HSBP1L1: variants seen among roughly 807,000 people sequenced by gnomAD.
HSBP1L1 encodes heat shock factor-binding protein 1-like protein 1.
HSBP1L1 carries 8 observed loss-of-function variants against 9.7 expected under a neutral mutation model. That is an observed-to-expected ratio of 0.82 (90% CI 0.48 to 1.48). HSBP1L1 has a LOEUF of 1.48. Among genes scored for constraint, HSBP1L1 ranks in the 40% most tolerant of loss-of-function variants. The pLI is 0.00. For synonymous variants in HSBP1L1, 39 were observed against 34.4 expected (o/e 1.13, Z -0.46); for missense variants, 106 against 95.8 (o/e 1.11, Z -0.44).
At chr18:79,965,053 C>A (rs1280937936) in intron 1 of HSBP1L1, among the ~76,000 whole-genome samples, 7 of 135,036 alleles carry the variant, frequency 5.2e-5, no homozygotes, top group African/African-American at 1.7e-4. Context: ...CAGGGGGGAG[C>A]CCTGCTGTCC....
chr18:79,970,528 T>G lies in HSBP1L1; in HGVS notation c.*77T>G, dbSNP rs1161800134. ...TACATCGGTCCTGAGGGTGGGGCCC[T>G]CATCCAACAGGATTCGTCTTTCTGA... On this transcript the variant is annotated 3_prime_UTR_variant, in exon 4 of 4. Transcript: ENST00000451882. 2.8e-6 allele frequency: 2 copies of G among 716,750 alleles called. No individual in the cohort carries two copies. The highest frequency in any genetic ancestry group is 5.2e-6 in the Non-Finnish European group (2 of 383,840). The allele number at this position is 716,750 out of a possible 1,614,324, so 44.4% of individuals were successfully genotyped here.
intron 3 of HSBP1L1, 145 bp from the exon 4 acceptor site, chr18:79,970,295 C>A: frequency 1.6e-6 from 1 of 640,904 alleles, no homozygotes; most frequent in South Asian, 1.8e-5. Context: ...ATGAGATAAA[C>A]TTGAAATACA....
chr18:79,966,962 C>T, intron 2 of HSBP1L1: 3 of 261,968 alleles, frequency 1.1e-5, no homozygotes, highest in Admixed American at 5.2e-5. Flanking sequence ...TCCTGGCTAA[C>T]ACAGTGAAAC....
chr18:79,969,008 G>A (rs1330796564), intron 3 of HSBP1L1, among the ~76,000 whole-genome samples: 10 of 137,152 alleles, frequency 7.3e-5, no homozygotes, highest in African/African-American at 2.5e-4. Context: ...GTGAAAGCCC[G>A]TCTCTACTAA....
At chr18:79,967,020 C>A (rs540880605) in intron 2 of HSBP1L1, 6 of 178,184 alleles carry the variant, frequency 3.4e-5, no homozygotes, top group African/African-American at 4.8e-5. Flanking sequence ...TGGTGGCGGG[C>A]GCCTGTAGTC....
rs1435540616 is a variant in HSBP1L1 at position 79,970,517 on chromosome 18, G to A, written c.*66G>A. The A allele has an allele frequency of 7.0e-6, 5 of 717,702 alleles. No individual in the cohort carries two copies. The highest frequency in any genetic ancestry group is 1.5e-5 in the South Asian group (1 of 67,580). The allele number at this position is 717,702 out of a possible 1,614,324, so 44.5% of individuals were successfully genotyped here. On this transcript the variant is annotated 3_prime_UTR_variant, in exon 4 of 4. Transcript: ENST00000451882. Reference sequence around the variant, plus strand: ...GTCATTAAGGTTACATCGGTCCTGAGGGTGGGGCCCTCATCCAACAGGATT... The same window carrying A: ...GTCATTAAGGTTACATCGGTCCTGAAGGTGGGGCCCTCATCCAACAGGATT...
At chr18:79,964,841 TG>T (rs1413785231) in intron 1 of HSBP1L1, 55 bp downstream of exon 1, 15 of 195,916 alleles carry the variant, frequency 7.7e-5, no homozygotes, top group Middle Eastern at 1.1e-3. Context: ...CCTGCGGTTC[TG>T]GGGGGTTTTG....
intron 3 of HSBP1L1, 30 bp from the exon 4 acceptor site, chr18:79,970,410 C>A (rs118028499): frequency 2.1e-5 from 15 of 718,482 alleles, no homozygotes; most frequent in Non-Finnish European, 3.6e-5. Context: ...ATAGGAGTTA[C>A]GGCCTGAACG....
chr18:79,969,387 G>GA (rs1294208490), intron 3 of HSBP1L1, among the ~76,000 whole-genome samples: 2 of 69,150 alleles, frequency 2.9e-5, no homozygotes, highest in East Asian at 8.5e-4. Flanking sequence ...AAGAAAGAAA[G>GA]AAAGAAAAAA....
Position 79,970,530 on chromosome 18 carries a change from A to G in HSBP1L1, c.*79A>G. 1.4e-6 allele frequency: 1 copy of G among 716,680 alleles called. No individual in the cohort carries two copies. Among genetic ancestry groups the G allele is most frequent in the East Asian group, 2.7e-5 (1 of 37,232 alleles). 44.4% of individuals were successfully genotyped at this position (716,680 alleles called of 1,614,324 possible). A position where few individuals can be genotyped will look rare whatever the true frequency, so the allele number is the denominator to read the frequency against. On this transcript the variant is annotated 3_prime_UTR_variant, in exon 4 of 4. Transcript: ENST00000451882. The stretch of plus-strand genomic sequence containing the variant: ...CATCGGTCCTGAGGGTGGGGCCCTC[A>G]TCCAACAGGATTCGTCTTTCTGAGA...
rs1181049364 is a variant in HSBP1L1 at position 79,970,572 on chromosome 18, C to T, written c.*121C>T. On this transcript the variant is annotated 3_prime_UTR_variant, in exon 4 of 4. Transcript: ENST00000451882. ...TTTCTGAGAAGAGACGCAAGGGGCTCGCCTGCTCTCCCCTCCGTGCCTGCA... is the reference window on the plus strand; with the variant it reads ...TTTCTGAGAAGAGACGCAAGGGGCTTGCCTGCTCTCCCCTCCGTGCCTGCA... 9 of 604,698 alleles carry T rather than the reference C, an allele frequency of 1.5e-5. No homozygotes were observed. Among genetic ancestry groups the T allele is most frequent in the South Asian group, 9.7e-5 (6 of 61,998 alleles). 37.5% of individuals were successfully genotyped at this position (604,698 alleles called of 1,614,324 possible). A position where few individuals can be genotyped will look rare whatever the true frequency, so the allele number is the denominator to read the frequency against.
chr18:79,970,061 A>G (rs1441499307), intron 3 of HSBP1L1: 2 of 202,238 alleles, frequency 9.9e-6, no homozygotes, highest in East Asian at 2.1e-4. Context: ...CCACTAGTAT[A>G]TCCAACTTGA....
intron 2 of HSBP1L1, among the ~76,000 whole-genome samples, chr18:79,967,158 A>G (rs907475550): frequency 1.3e-5 from 2 of 151,888 alleles, no homozygotes; most frequent in African/African-American, 4.8e-5. Context: ...AAAAAAAAAA[A>G]AAAAAAAGCT....
At chr18:79,966,221 G>A (rs2051256424) in intron 1 of HSBP1L1, among the ~76,000 whole-genome samples, 1 of 150,968 alleles carries the variant, frequency 6.6e-6, no homozygotes, top group Admixed American at 6.6e-5. Context: ...GTGAGCCACC[G>A]CGCCCGGCCT....
intron 2 of HSBP1L1, chr18:79,967,569 A>G (rs1388739399): frequency 6.6e-6 from 1 of 152,274 alleles, no homozygotes; most frequent in African/African-American, 2.4e-5. Context: ...ATGGGTTCCC[A>G]CAGGACAAAA....
chr18:79,964,716 G>A lies in HSBP1L1; in HGVS notation c.-20G>A. On this transcript the variant is annotated 5_prime_UTR_variant, in exon 1 of 4. Transcript: ENST00000451882. ...GCGGCCCACGGGACCCCCCACTGAC[G>A]CCCCCGGCCAGCGGTCCACATGGAC... is the stretch of plus-strand genomic sequence containing the variant. 1 of 1,391,976 alleles carries A rather than the reference G, an allele frequency of 7.2e-7. No individual in the cohort carries two copies. Among genetic ancestry groups the A allele is most frequent in the Non-Finnish European group, 9.4e-7 (1 of 1,068,112 alleles). 86.2% of individuals were successfully genotyped at this position (1,391,976 alleles called of 1,614,324 possible).
chr18:79,969,092 G>A (rs960539666), intron 3 of HSBP1L1, among the ~76,000 whole-genome samples: 16 of 150,658 alleles, frequency 1.1e-4, no homozygotes, highest in African/African-American at 3.9e-4. Flanking sequence ...GGGAGGCTGA[G>A]GCGGGAGAAT....
intron 2 of HSBP1L1, 171 bp from the exon 3 acceptor site, chr18:79,967,918 A>T (rs1021739053): frequency 1.9e-6 from 1 of 526,838 alleles, no homozygotes; most frequent in Non-Finnish European, 3.3e-6. Context: ...AAAGAGACAC[A>T]CTGAGGAAAA....
At position 79,966,924 on chromosome 18, in the gene HSBP1L1, A is replaced by G. The variant is rs966434058; in HGVS notation, c.118+246A>G. ...AGCACTTTGGGAGGCCGAGGTGGGC[A>G]GATCACGAGGTCAGGAGATGGAGAC... On this transcript the variant is annotated intron_variant, in intron 2 of 3. Transcript: ENST00000451882. 2.3e-4 allele frequency: 87 copies of G among 375,766 alleles called. 1 individual carries two copies. Among genetic ancestry groups the G allele is most frequent in the Non-Finnish European group, 3.0e-4 (60 of 201,574 alleles). 23.3% of individuals were successfully genotyped at this position (375,766 alleles called of 1,614,324 possible).
Sources: gnomAD v4.1 joint callset for allele counts (sites outside exome capture counted in the v4.1 genomes callset) on GRCh38, gnomAD v4.1.1 for gene constraint, MANE v1.5 for transcripts, NCBI Gene and HGNC (gene_info 2026-07-23, HGNC 2026-07-21) for gene names.